The following CYRIB variants were observed in gnomAD, a reference collection of about 807,000 sequenced individuals.
CYRIB encodes CYFIP-related Rac1 interactor B.
In CYRIB, 8 loss-of-function variants were observed where a neutral mutation model predicts 44.2. That is an observed-to-expected ratio of 0.18 (90% CI 0.11 to 0.33). The LOEUF (loss-of-function observed/expected upper bound fraction) is 0.33, where lower values mean the gene tolerates loss of function less well. Ranked by LOEUF, CYRIB falls within the 10% of genes least tolerant of loss-of-function variation. The probability of loss-of-function intolerance (pLI) is 1.00; values close to 1 mark genes in which losing one functional copy is unlikely to be tolerated. For synonymous variants in CYRIB, 131 were observed against 127.2 expected, an observed-to-expected ratio of 1.03 and a Z score of -0.20; for missense variants, 185 against 382.8, an observed-to-expected ratio of 0.48 and a Z score of 4.31.
chr8:129,962,133 G>A (rs1428784473), intron 2 of CYRIB, among the ~76,000 whole-genome samples: 1 of 151,944 alleles, frequency 6.6e-6, no homozygotes, highest in African/African-American at 2.4e-5. Flanking sequence ...TGTGGTCCCA[G>A]CTACTCGGGG....
intron 2 of CYRIB, chr8:129,903,028 A>G (rs2073151948): frequency 6.6e-6 from 1 of 152,560 alleles, no homozygotes; most frequent in Non-Finnish European, 1.5e-5. Context: ...TTCTTGATCA[A>G]CTATACTGGT....
rs1245753102 is a variant in CYRIB at position 129,939,107 on chromosome 8, G to C, written c.-50+501C>G. 2.6e-5 allele frequency among the ~76,000 whole-genome samples: 4 copies of C among 152,120 alleles called. 1 individual carries two copies. Among genetic ancestry groups the C allele is most frequent in the Admixed American group, 2.6e-4 (4 of 15,272 alleles). On this transcript the variant is annotated intron_variant, in intron 1 of 11. Coordinates refer to ENST00000519824, the Ensembl canonical transcript of CYRIB. ...ATAAAGACACCAACTTCAAAACCAG[G>C]GACCAGGAGGGCTGGGTGTCGAGGC...
At chr8:129,984,604 C>T (rs1203515742) in intron 1 of CYRIB, among the ~76,000 whole-genome samples, 2 of 152,140 alleles carry the variant, frequency 1.3e-5, no homozygotes, top group Non-Finnish European at 2.9e-5. Flanking sequence ...TCCCCCAACA[C>T]CTTTTTTCCT....
intron 1 of CYRIB, among the ~76,000 whole-genome samples, chr8:129,978,961 C>T (rs1227994085): frequency 6.6e-6 from 1 of 151,960 alleles, no homozygotes; most frequent in African/African-American, 2.4e-5. Context: ...CATAGTGAAA[C>T]CTCCATCTCG....
intron 4 of CYRIB, among the ~76,000 whole-genome samples, chr8:129,870,306 C>A (rs115063725): frequency 0.017 from 2,591 of 152,230 alleles, 61 homozygotes; most frequent in African/African-American, 0.053. Flanking sequence ...GCTACTTGGG[C>A]GACTGAGGCA....
At chr8:129,892,218 G>A (rs1004576693) in intron 2 of CYRIB, among the ~76,000 whole-genome samples, 2 of 152,128 alleles carry the variant, frequency 1.3e-5, no homozygotes, top group Non-Finnish European at 2.9e-5. Context: ...CTCAAGGCAA[G>A]TAATACAGAA....
chr8:129,931,118 T>C (rs1397308939), intron 1 of CYRIB, among the ~76,000 whole-genome samples: 1 of 151,012 alleles, frequency 6.6e-6, no homozygotes, highest in Non-Finnish European at 1.5e-5. Context: ...ATTTATAAGA[T>C]GCTAATAAAT....
At chr8:129,856,190 T>C (rs937520701) in intron 5 of CYRIB, among the ~76,000 whole-genome samples, 1 of 152,252 alleles carries the variant, frequency 6.6e-6, no homozygotes, top group African/African-American at 2.4e-5. Context: ...TACCAATTTC[T>C]CATACTTTGA....
At chr8:129,973,127 T>G (rs1220088577) in intron 1 of CYRIB, among the ~76,000 whole-genome samples, 1 of 152,082 alleles carries the variant, frequency 6.6e-6, no homozygotes, top group Non-Finnish European at 1.5e-5. Context: ...TCTCCAAGAT[T>G]AGGGGAGCAA....
chr8:129,848,157 A>C (rs1030734598), intron 10 of CYRIB, among the ~76,000 whole-genome samples: 1 of 152,196 alleles, frequency 6.6e-6, no homozygotes. Flanking sequence ...CCTGTCAGTA[A>C]AGGGAGATGA....
chr8:129,910,468 CTTCT>C (rs1014887138), intron 1 of CYRIB, among the ~76,000 whole-genome samples: 3 of 145,754 alleles, frequency 2.1e-5, no homozygotes, highest in South Asian at 2.2e-4. Context: ...CAAGTGGTGC[CTTCT>C]TTCACTTTTT....
chr8:129,893,199 T>C (rs537457876), intron 2 of CYRIB, among the ~76,000 whole-genome samples: 1 of 152,256 alleles, frequency 6.6e-6, no homozygotes, highest in Non-Finnish European at 1.5e-5. Flanking sequence ...TGTATCATTA[T>C]ATAAGCCTCA....
chr8:130,003,802 T>C (rs1564772896), intron 1 of CYRIB, among the ~76,000 whole-genome samples: 1 of 152,126 alleles, frequency 6.6e-6, no homozygotes, highest in Non-Finnish European at 1.5e-5. Context: ...AGGTCATACC[T>C]CGTTTATTCC....
intron 9 of CYRIB, 62 bp downstream of exon 11, chr8:129,850,773 G>T: frequency 1.7e-6 from 2 of 1,152,088 alleles, no homozygotes; most frequent in Non-Finnish European, 2.6e-6. Context: ...ATATGAACAT[G>T]TTTTGAAATA....
At chr8:129,866,424 G>C (rs924559591) in intron 4 of CYRIB, among the ~76,000 whole-genome samples, 2 of 151,708 alleles carry the variant, frequency 1.3e-5, no homozygotes, top group African/African-American at 4.8e-5. Flanking sequence ...CAAAAGGCTT[G>C]GTTAACTGAT....
chr8:129,907,992 ACT>A (rs773698092), intron 1 of CYRIB, among the ~76,000 whole-genome samples: 182 of 152,220 alleles, frequency 1.2e-3, no homozygotes, highest in Non-Finnish European at 2.1e-3. Context: ...ACAGAGTAAG[ACT>A]CTGTTCAAAA....
intron 2 of CYRIB, among the ~76,000 whole-genome samples, chr8:129,967,539 C>T (rs946596526): frequency 5.9e-5 from 9 of 152,090 alleles, no homozygotes; most frequent in African/African-American, 2.2e-4. Flanking sequence ...GCCACCATGC[C>T]CGGCTAATTT....
At chr8:129,877,663 GGTGTGTGTGTGT>G (rs5895011) in intron 3 of CYRIB, among the ~76,000 whole-genome samples, 77 of 130,686 alleles carry the variant, frequency 5.9e-4, no homozygotes, top group Non-Finnish European at 8.9e-4. Context: ...AAAAAAAAAA[GGTGTGTGTGTGT>G]GTGTGTGTGT....
intron 1 of CYRIB, among the ~76,000 whole-genome samples, chr8:129,993,093 A>T (rs550795377): frequency 1.0e-3 from 152 of 152,244 alleles, no homozygotes; most frequent in Non-Finnish European, 1.9e-3. Context: ...TTCATTACAG[A>T]ACTCAACATC....
Sources: allele counts gnomAD v4.1 joint callset (sites outside exome capture counted in the v4.1 genomes callset), GRCh38; gene constraint gnomAD v4.1.1; transcripts MANE v1.5; gene names NCBI Gene and HGNC (gene_info 2026-07-23, HGNC 2026-07-21).